Variants in AGFG2 observed in about 807,000 individuals in gnomAD.
AGFG2 encodes the protein ArfGAP with FG repeats 2, also known as arf-GAP domain and FG repeat-containing protein 2.
In AGFG2, 31 loss-of-function variants were observed where a neutral mutation model predicts 48.0. That is an observed-to-expected ratio of 0.65 (90% CI 0.49 to 0.87). The LOEUF (loss-of-function observed/expected upper bound fraction) is 0.87. Among genes scored for constraint, AGFG2 ranks in the 40% least tolerant of loss-of-function variants. The probability of loss-of-function intolerance (pLI) is 0.00; values close to 1 mark genes in which losing one functional copy is unlikely to be tolerated. For synonymous variants in AGFG2, 229 were observed against 260.8 expected (o/e 0.88, Z 1.18); for missense variants, 599 against 632.6 (o/e 0.95, Z 0.57).
Position 100,539,604 on chromosome 7 carries a change from G to T in AGFG2, c.221+37G>T, listed in dbSNP as rs1295613840. 8.1e-6 allele frequency: 10 copies of T among 1,239,070 alleles called. No individual in the cohort carries two copies. In the African/African-American group the frequency reaches 1.6e-4, roughly 19 times the overall value. The allele number at this position is 1,239,070 out of a possible 1,614,324, so 76.8% of individuals were successfully genotyped here. ...GGAGGGAGTGGCCGAGGTCGGCGTGGGGGGACCCGGGGGCGGGGTGGGGAG... is the reference window on the plus strand; with the variant it reads ...GGAGGGAGTGGCCGAGGTCGGCGTGTGGGGACCCGGGGGCGGGGTGGGGAG... On this transcript the variant is annotated intron_variant, in intron 1 of 11. Coordinates refer to ENST00000300176, the MANE Select transcript of AGFG2 (RefSeq NM_006076.5).
intron 6 of AGFG2, among the ~76,000 whole-genome samples, chr7:100,559,102 C>G (rs1800815107): frequency 6.6e-6 from 1 of 152,114 alleles, no homozygotes; most frequent in Non-Finnish European, 1.5e-5. Flanking sequence ...CCACTGCACT[C>G]TGGGTGACAG....
chr7:100,559,439 G>A (rs1800819996), intron 6 of AGFG2, among the ~76,000 whole-genome samples: 1 of 152,120 alleles, frequency 6.6e-6, no homozygotes, highest in Non-Finnish European at 1.5e-5. Flanking sequence ...TTCTGAGGGG[G>A]AGTATGGAGA....
Position 100,566,078 on chromosome 7 carries a change from G to A in AGFG2, c.*1087G>A, listed in dbSNP as rs1031287639. The A allele has an allele frequency of 7.2e-5, 11 of 152,504 alleles. No individual in the cohort carries two copies. The highest frequency in any genetic ancestry group is 2.4e-4 in the African/African-American group (10 of 41,458). The allele number at this position is 152,504 out of a possible 1,614,324, so 9.4% of individuals were successfully genotyped here. On this transcript the variant is annotated 3_prime_UTR_variant, in exon 12 of 12. Transcript: ENST00000300176. ...GACTGATCCTTGACCTGGCTCTGCT[G>A]GGCTGGACTGCCTGGGCCAGTGATA...
At chr7:100,546,715 C>T (rs1800517556) in intron 1 of AGFG2, among the ~76,000 whole-genome samples, 1 of 152,164 alleles carries the variant, frequency 6.6e-6, no homozygotes, top group Non-Finnish European at 1.5e-5. Context: ...AAAGCCCTGA[C>T]ATTCTGAAGG....
chr7:100,539,372 C>G lies in AGFG2; in HGVS notation c.26C>G (p.Pro9Arg). 14 of 1,277,738 alleles carry G rather than the reference C, an allele frequency of 1.1e-5. No individual in the cohort carries two copies. Among genetic ancestry groups the G allele is most frequent in the Non-Finnish European group, 1.4e-5 (14 of 1,008,448 alleles). The allele number at this position is 1,277,738 out of a possible 1,614,324, so 79.2% of individuals were successfully genotyped here. A position where few individuals can be genotyped will look rare whatever the true frequency, so the allele number is the denominator to read the frequency against. The part of the protein sequence containing the change: MVMAAKKG[P>R]GPGGGVSGGK... ...ATGGTGATGGCGGCGAAGAAGGGCC[C>G]GGGCCCGGGCGGCGGGGTCAGCGGG... The change falls in exon 1 of 12, where the codon CCG becomes CGG. Residue 9 changes from proline (P) to arginine (R), a missense_variant. Physicochemically the swap from Pro to Arg is moderately radical, Grantham distance 103 (BLOSUM62 -2). Transcript: ENST00000300176.
intron 6 of AGFG2, among the ~76,000 whole-genome samples, chr7:100,556,952 C>G (rs905558235): frequency 6.6e-6 from 1 of 152,098 alleles, no homozygotes; most frequent in Non-Finnish European, 1.5e-5. Flanking sequence ...GATGCCAGCA[C>G]TTTGGGAGGC....
chr7:100,563,966 A>G lies in AGFG2; in HGVS notation c.1300+4A>G, dbSNP rs770488067. Reference sequence around the variant, plus strand: ...CCGCTTGTTCAGCAGCAGAATGGTAAGAGCTGTAGATGGACAAACCCTTTC... The same window carrying G: ...CCGCTTGTTCAGCAGCAGAATGGTAGGAGCTGTAGATGGACAAACCCTTTC... On this transcript the variant is annotated splice_donor_region_variant and intron_variant, in intron 10 of 11. Transcript: ENST00000300176. 6.2e-7 allele frequency: 1 copy of G among 1,606,308 alleles called. No homozygotes were observed. The highest frequency in any genetic ancestry group is 8.5e-7 in the Non-Finnish European group (1 of 1,179,954).
rs979241502 is a variant in AGFG2, at chr7:100,553,596, G to A, written c.585+96G>A. On this transcript the variant is annotated intron_variant, in intron 4 of 11. Transcript: ENST00000300176. ...GATTCCCCGGACTTAGCAGACAACA[G>A]TGCAGGAGCTGTGAGTTGGGTCTCG... 8.4e-6 allele frequency: 12 copies of A among 1,426,350 alleles called. No individual in the cohort carries two copies. In the South Asian group the frequency reaches 1.5e-4, roughly 18 times the overall value. 88.4% of individuals were successfully genotyped at this position (1,426,350 alleles called of 1,614,324 possible).
Position 100,550,492 on chromosome 7 carries a change from AAAT to A in AGFG2, c.414_416del (p.Lys138_Tyr139delinsAsn), listed in dbSNP as rs1800608315. The stretch of plus-strand genomic sequence containing the variant: ...GAAAGTGAAGGAGTTTCTCCAGGAA[AAAT>A]ATGAGAAGAAGAGATGGTAAGGAGT... On this transcript the variant is annotated inframe_deletion, in exon 3 of 12. Transcript: ENST00000300176. 1.2e-6 allele frequency: 2 copies of A among 1,612,992 alleles called. No individual in the cohort carries two copies. Among genetic ancestry groups the A allele is most frequent in the Admixed American group, 3.3e-5 (2 of 59,998 alleles).
chr7:100,562,152 C>A lies in AGFG2; in HGVS notation c.878-107C>A. 6 of 1,460,136 alleles carry A rather than the reference C, an allele frequency of 4.1e-6. No homozygotes were observed. Among genetic ancestry groups the A allele is most frequent in the Non-Finnish European group, 5.6e-6 (6 of 1,074,940 alleles). The allele number at this position is 1,460,136 out of a possible 1,614,324, so 90.4% of individuals were successfully genotyped here. Reference sequence around the variant, plus strand: ...CTCAGAGAACCCAGCAGGCACCTGTCATGCCATGACTCCAATCCATCACCA... The same window carrying A: ...CTCAGAGAACCCAGCAGGCACCTGTAATGCCATGACTCCAATCCATCACCA... On this transcript the variant is annotated intron_variant, in intron 6 of 11. Coordinates refer to ENST00000300176, the MANE Select transcript of AGFG2 (RefSeq NM_006076.5). This position sits in a 1 kb window ranked among gnomAD's most constrained non-coding sequence, Gnocchi z 5.4.
At chr7:100,561,997 C>A (rs1800884229) in intron 6 of AGFG2, among the ~76,000 whole-genome samples, 1 of 152,178 alleles carries the variant, frequency 6.6e-6, no homozygotes, top group Non-Finnish European at 1.5e-5. Context: ...TGGGGACGAG[C>A]TGCTTTCCTC....
At chr7:100,542,485 C>A (rs1800440271) in intron 1 of AGFG2, among the ~76,000 whole-genome samples, 1 of 152,172 alleles carries the variant, frequency 6.6e-6, no homozygotes, top group Non-Finnish European at 1.5e-5. Flanking sequence ...GTAAATGAAG[C>A]TGAATTGAAG....
intron 1 of AGFG2, among the ~76,000 whole-genome samples, chr7:100,542,338 T>A (rs1165760776): frequency 6.6e-6 from 1 of 152,204 alleles, no homozygotes; most frequent in Non-Finnish European, 1.5e-5. Context: ...GGTAAAGCAT[T>A]ATGAGACTAA....
At chr7:100,551,908 AAAAG>A (rs1800655167) in intron 3 of AGFG2, among the ~76,000 whole-genome samples, 1 of 149,546 alleles carries the variant, frequency 6.7e-6, no homozygotes, top group East Asian at 2.0e-4. Context: ...AAAAAAAAAA[AAAAG>A]TAGGGAACAC....
At chr7:100,555,965 G>A (rs1800752108) in intron 6 of AGFG2, 3 of 495,226 alleles carry the variant, frequency 6.1e-6, no homozygotes, top group Admixed American at 3.4e-5. Context: ...TGCAGCAGGA[G>A]CTGTGTGGGT....
intron 5 of AGFG2, 81 bp from the exon 6 acceptor site, chr7:100,555,526 GCCT>G (rs1217419480): frequency 1.2e-5 from 18 of 1,487,394 alleles, no homozygotes; most frequent in Admixed American, 8.9e-5. Flanking sequence ...GCCCACCTCG[GCCT>G]CCCAAAGTGC....
chr7:100,548,845 G>T lies in AGFG2; in HGVS notation c.245G>T (p.Arg82Leu), dbSNP rs772763307. The change falls in exon 2 of 12, where the codon CGT becomes CTT. Residue 82 changes from arginine (R) to leucine (L), a missense_variant. Arg to Leu is a moderately radical substitution (Grantham distance 102). Coordinates refer to ENST00000300176, the MANE Select transcript of AGFG2 (RefSeq NM_006076.5). ...AGGAGAGGGCTGAACCCCCCTCATCGTGTCAAGTCAATCTCCATGACAACT... is the reference window on the plus strand; with the variant it reads ...AGGAGAGGGCTGAACCCCCCTCATCTTGTCAAGTCAATCTCCATGACAACT... ...GLLRGLNPPH[R>L]VKSISMTTFT... The T allele has an allele frequency of 6.2e-7, 1 of 1,613,288 alleles. No homozygotes were observed. The highest frequency in any genetic ancestry group is 1.1e-5 in the South Asian group (1 of 91,064).
rs748209980 is a variant in AGFG2 at position 100,554,118 on chromosome 7, C to T, written c.611C>T (p.Thr204Ile). The stretch of plus-strand genomic sequence containing the variant: ...CCCGTCAGTCAGTCTCACGCTCGGA[C>T]ATCCCAGGCCCGGAGCACTCAGCCA... ...SQPVSQSHAR[T>I]SQARSTQPPP... The change falls in exon 5 of 12, where the codon ACA becomes ATA. Residue 204 changes from threonine (T) to isoleucine (I), a missense_variant. By Grantham distance (89) the Thr-to-Ile change is moderately conservative. Transcript: ENST00000300176. The T allele has an allele frequency of 1.2e-6, 2 of 1,613,912 alleles. No homozygotes were observed. Among genetic ancestry groups the T allele is most frequent in the Non-Finnish European group, 1.7e-6 (2 of 1,179,876 alleles).
At chr7:100,548,591 G>T (rs1471867221) in intron 1 of AGFG2, among the ~76,000 whole-genome samples, 1 of 152,144 alleles carries the variant, frequency 6.6e-6, no homozygotes, top group African/African-American at 2.4e-5. Context: ...GGGATTACAG[G>T]TGTGAGTCAC....
Sources: gnomAD v4.1 joint callset for allele counts (sites outside exome capture counted in the v4.1 genomes callset) on GRCh38, gnomAD v4.1.1 for gene constraint, Gnocchi (gnomAD v3.1) non-coding constraint, MANE v1.5 for transcripts, NCBI Gene and HGNC (gene_info 2026-07-23, HGNC 2026-07-21) for gene names.